Variants in HOXA3 observed in about 807,000 individuals in gnomAD.
The protein encoded by HOXA3 is homeobox A3, also known as homeobox protein Hox-A3.
Under a neutral mutation model 30.3 loss-of-function variants are expected in HOXA3, and 8 were observed. The observed-to-expected ratio is 0.26, with a 90% CI of 0.15 to 0.48. The LOEUF is 0.48. HOXA3 is among the 20% of genes least tolerant of loss of function. HOXA3 has a pLI of 0.99. For synonymous variants in HOXA3, 323 were observed against 273.1 expected, an observed-to-expected ratio of 1.18 and a Z score of -1.80; for missense variants, 653 against 614.4, an observed-to-expected ratio of 1.06 and a Z score of -0.66.
intron 4 of HOXA3, among the ~76,000 whole-genome samples, chr7:27,117,795 C>T (rs1196158776): frequency 6.6e-6 from 1 of 151,818 alleles, no homozygotes; most frequent in East Asian, 1.9e-4. Context: ...CCCTGCAAGC[C>T]GGTCCACCTC....
intron 4 of HOXA3, among the ~76,000 whole-genome samples, chr7:27,111,498 G>GTGTGTGTGTA (rs1049918310): frequency 6.6e-6 from 1 of 151,920 alleles, no homozygotes; most frequent in African/African-American, 2.4e-5. Flanking sequence ...GTGTGTGTGT[G>GTGTGTGTGTA]TGTGTGTGTG....
In HOXA3 at chr7:27,143,532, C is replaced by G. The variant is rs778346737; in HGVS notation, c.-493-3346G>C. 6 of 1,613,566 alleles carry G rather than the reference C, an allele frequency of 3.7e-6. No individual in the cohort carries two copies. The Admixed American group carries it at 8.3e-5, about 22-fold the overall frequency. On this transcript the variant is annotated intron_variant, in intron 1 of 5. Coordinates refer to ENST00000612286, the MANE Select transcript of HOXA3 (RefSeq NM_153631.3). ...AATTGCTCGCTCACGGAACTATGAT[C>G]TCCATAATTATGCAACTGGTAGTCC...
chr7:27,110,522 C>T lies in HOXA3; in HGVS notation c.119G>A (p.Gly40Asp), dbSNP rs1784309787. ...GGGTCGGTGGTACTCGCCGTCGGCG[C>T]CCAAAGCGGCGGACGCCGGGTACGG... is the stretch of plus-strand genomic sequence containing the variant. ...QQPYPASAALGADGEYHRPAC... is the reference protein window; with the variant it reads ...QQPYPASAALDADGEYHRPAC... The change falls in exon 5 of 6, where the codon GGC (glycine) becomes GAC (aspartate). Residue 40 changes from glycine (G) to aspartate (D), a missense_variant. This residue lies in a region of HOXA3 where 320 missense variants were observed against 321.9 expected (regional missense o/e 0.99). Coordinates refer to ENST00000612286, the MANE Select transcript of HOXA3 (RefSeq NM_153631.3). 6.2e-7 allele frequency: 1 copy of T among 1,606,184 alleles called. No individual in the cohort carries two copies. The highest frequency in any genetic ancestry group is 1.3e-5 in the African/African-American group (1 of 74,894).
At chr7:27,131,628 G>A (rs1448883658) in intron 2 of HOXA3, among the ~76,000 whole-genome samples, 1 of 152,140 alleles carries the variant, frequency 6.6e-6, no homozygotes, top group East Asian at 1.9e-4. Flanking sequence ...CATTTACTAG[G>A]TGCGATTGTG....
At chr7:27,141,996 G>T in intron 1 of HOXA3, 4 of 1,614,216 alleles carry the variant, frequency 2.5e-6, no homozygotes, top group African/African-American at 1.3e-5. Context: ...GTCAGGTAAC[G>T]GTTGAAGTGG....
chr7:27,143,628 T>C (rs1372236271), intron 1 of HOXA3: 43 of 1,573,044 alleles, frequency 2.7e-5, no homozygotes, highest in Non-Finnish European at 3.5e-5. Flanking sequence ...ATATGTGTGC[T>C]TGATTTGTGG....
At chr7:27,134,840 T>C (rs1383625799) in intron 2 of HOXA3, among the ~76,000 whole-genome samples, 1 of 152,242 alleles carries the variant, frequency 6.6e-6, no homozygotes, top group African/African-American at 2.4e-5. Context: ...TGGGATGATC[T>C]TAAACATTCC....
In HOXA3 at chr7:27,152,453, T is replaced by C; in HGVS notation, c.-659A>G. ...CGCCGGGAACGGAGCGCGCCCAATC[T>C]CCAGCGGGAGCCGCCAGGCCTGGCC... On this transcript the variant is annotated 5_prime_UTR_variant, in exon 1 of 6. Coordinates refer to ENST00000612286, the MANE Select transcript of HOXA3 (RefSeq NM_153631.3). The C allele has an allele frequency of 8.7e-7, 1 of 1,155,722 alleles. No homozygotes were observed. Among genetic ancestry groups the C allele is most frequent in the Non-Finnish European group, 1.1e-6 (1 of 923,730 alleles). The allele number at this position is 1,155,722 out of a possible 1,614,324, so 71.6% of individuals were successfully genotyped here. A position where few individuals can be genotyped will look rare whatever the true frequency, so the allele number is the denominator to read the frequency against.
rs1045749988 is a variant in HOXA3 at position 27,108,027 on chromosome 7, C to G, written c.1220G>C (p.Gly407Ala). Residue 407 changes from glycine (G) to alanine (A), a missense_variant, in exon 6 of 6, where the codon GGC becomes GCC. Physicochemically the swap from Gly to Ala is moderately conservative, Grantham distance 60. Around this residue, in one of 3 missense-constraint regions of HOXA3, gnomAD observed 330 missense variants for 274.4 expected, o/e 1.20. Transcript: ENST00000612286. The surrounding 1 kb of genome is among the most constrained non-coding windows in gnomAD (Gnocchi z 5.0). Reference sequence around the variant, plus strand: ...CCCAGGCCCCGGCCCGTGGTGGTGGCCGCTGCCCAGCGGCCCGGCACCCCC... The same window carrying G: ...CCCAGGCCCCGGCCCGTGGTGGTGGGCGCTGCCCAGCGGCCCGGCACCCCC... ...DYGGAGPLGS[G>A]HHHGPGPGEP... 12 of 1,612,770 alleles carry G rather than the reference C, an allele frequency of 7.4e-6. No individual in the cohort carries two copies. The highest frequency in any genetic ancestry group is 1.0e-5 in the Non-Finnish European group (12 of 1,179,242).
intron 1 of HOXA3, among the ~76,000 whole-genome samples, chr7:27,144,659 C>T (rs1387590370): frequency 6.6e-6 from 1 of 152,202 alleles, no homozygotes; most frequent in Non-Finnish European, 1.5e-5. Context: ...GGGCGGGTTA[C>T]TGGGGTCTTG....
At chr7:27,149,014 G>C (rs921424653) in intron 1 of HOXA3, among the ~76,000 whole-genome samples, 1 of 152,228 alleles carries the variant, frequency 6.6e-6, no homozygotes, top group Non-Finnish European at 1.5e-5. Flanking sequence ...CCCCTCAGTC[G>C]CTCCGGAACC....
chr7:27,145,852 G>A, intron 1 of HOXA3: 10 of 1,614,250 alleles, frequency 6.2e-6, no homozygotes, highest in Non-Finnish European at 8.5e-6. Context: ...TCCTTCTCCA[G>A]CTCCAGTGTC....
At chr7:27,142,874 C>G (rs1375169233) in intron 1 of HOXA3, 1 of 618,376 alleles carries the variant, frequency 1.6e-6, no homozygotes, top group African/African-American at 1.9e-5. Context: ...GCAGGGTGCT[C>G]GCAAAGAAGA....
At chr7:27,130,613 CG>C (rs1562723181) in intron 2 of HOXA3, 1 of 1,548,652 alleles carries the variant, frequency 6.5e-7, no homozygotes, top group Admixed American at 1.9e-5. Flanking sequence ...TGCTGGTAGC[CG>C]GGGCCCCCGC....
In HOXA3 at chr7:27,110,748, G is replaced by T; in HGVS notation, c.-108C>A. ...ACGTGACACTCCGCCGCCAATGGCC[G>T]CCCCGCGCAGACCTGGTGGGGCGAG... On this transcript the variant is annotated 5_prime_UTR_variant, in exon 5 of 6. Transcript: ENST00000612286. 2 of 1,536,010 alleles carry T rather than the reference G, an allele frequency of 1.3e-6. No individual in the cohort carries two copies. Among genetic ancestry groups the T allele is most frequent in the Non-Finnish European group, 1.8e-6 (2 of 1,129,512 alleles).
intron 1 of HOXA3, chr7:27,147,705 G>T (rs1240583792): frequency 6.2e-7 from 1 of 1,612,612 alleles, no homozygotes; most frequent in Admixed American, 1.7e-5. Flanking sequence ...CCTGGCCGCT[G>T]GGAAGGCTCC....
chr7:27,149,074 C>T (rs1782882951), intron 1 of HOXA3, among the ~76,000 whole-genome samples: 1 of 152,250 alleles, frequency 6.6e-6, no homozygotes, highest in African/African-American at 2.4e-5. Flanking sequence ...TCACTGCTGT[C>T]CCAGGCCTGG....
intron 2 of HOXA3, among the ~76,000 whole-genome samples, chr7:27,138,878 G>A (rs1190258050): frequency 1.3e-5 from 2 of 152,180 alleles, no homozygotes; most frequent in Admixed American, 6.5e-5. Context: ...CTAAACTACC[G>A]TTTATGATGT....
intron 1 of HOXA3, chr7:27,141,152 G>T (rs1286575504): frequency 7.3e-6 from 1 of 136,394 alleles, no homozygotes; most frequent in Non-Finnish European, 1.6e-5. Flanking sequence ...ATCACAGTTT[G>T]CTTAAAACAG....
Sources: allele counts gnomAD v4.1 joint callset (sites outside exome capture counted in the v4.1 genomes callset), GRCh38; gene constraint gnomAD v4.1.1; regional missense constraint gnomAD v4.1.1; non-coding constraint Gnocchi (gnomAD v3.1); transcripts MANE v1.5; gene names NCBI Gene and HGNC (gene_info 2026-07-23, HGNC 2026-07-21).